Variants in RANBP2 observed in about 807,000 individuals in gnomAD.
RANBP2 encodes RAN binding protein 2.
A neutral mutation model predicts 303.6 loss-of-function variants in RANBP2; 57 were observed. The observed-to-expected ratio is 0.19, with a 90% confidence interval of 0.15 to 0.23. RANBP2 has a LOEUF of 0.23. Ranked by LOEUF, RANBP2 falls within the 10% of genes least tolerant of loss-of-function variation. The pLI is 1.00. For synonymous variants in RANBP2, 1,167 were observed against 1,301.5 expected, an observed-to-expected ratio of 0.90 and a Z score of 2.23; for missense variants, 3,138 against 3,780.8, an observed-to-expected ratio of 0.83 and a Z score of 4.46.
At chr2:109,332,922 A>G in the RANBP2 span, among the ~76,000 whole-genome samples, 1 of 152,242 alleles carries the variant, frequency 6.6e-6, no homozygotes, top group African/African-American at 2.4e-5. Flanking sequence ...AGCTGTTTTG[A>G]TGGGAGGAAA....
chr2:108,973,385 A>T, the RANBP2 span, among the ~76,000 whole-genome samples: 4 of 152,182 alleles, frequency 2.6e-5, no homozygotes, highest in African/African-American at 9.7e-5. Flanking sequence ...CGGTGCAGAG[A>T]GAGTGTCCGC....
the RANBP2 span, among the ~76,000 whole-genome samples, chr2:109,057,626 T>A: frequency 6.6e-6 from 1 of 152,204 alleles, no homozygotes; most frequent in South Asian, 2.1e-4. Flanking sequence ...GGAGTAGAGA[T>A]AACATCAAAC....
the RANBP2 span, among the ~76,000 whole-genome samples, chr2:109,495,477 C>CTTTT: frequency 2.5e-3 from 237 of 94,260 alleles, 15 homozygotes; most frequent in African/African-American, 5.1e-3. Flanking sequence ...TCTTTCATTC[C>CTTTT]TTTTTTTTTT....
At chr2:108,721,354 T>C (rs940863198) in intron 1 of RANBP2, among the ~76,000 whole-genome samples, 1 of 152,130 alleles carries the variant, frequency 6.6e-6, no homozygotes, top group African/African-American at 2.4e-5. Context: ...ACTGCTAGCA[T>C]AGTATAAATA....
the RANBP2 span, among the ~76,000 whole-genome samples, chr2:108,987,561 G>A: frequency 6.6e-6 from 1 of 152,246 alleles, no homozygotes; most frequent in Non-Finnish European, 1.5e-5. Flanking sequence ...AGTGGCCAGG[G>A]AGTGAAAATC....
At chr2:109,345,360 C>T in the RANBP2 span, among the ~76,000 whole-genome samples, 42 of 152,178 alleles carry the variant, frequency 2.8e-4, no homozygotes, top group East Asian at 1.4e-3. Flanking sequence ...TCAGATAGCA[C>T]GAGCCGGCCG....
At chr2:109,119,474 A>G in the RANBP2 span, among the ~76,000 whole-genome samples, 2 of 152,238 alleles carry the variant, frequency 1.3e-5, no homozygotes, top group African/African-American at 4.8e-5. Flanking sequence ...AAGAATTCAG[A>G]TATTAAATAT....
At chr2:109,302,643 G>A in the RANBP2 span, among the ~76,000 whole-genome samples, 48 of 152,334 alleles carry the variant, frequency 3.2e-4, no homozygotes, top group East Asian at 6.0e-3. Flanking sequence ...AGGCCGCCAG[G>A]TCTGGCTCGG....
the RANBP2 span, among the ~76,000 whole-genome samples, chr2:109,655,134 C>A: frequency 6.6e-6 from 1 of 152,140 alleles, no homozygotes; most frequent in Non-Finnish European, 1.5e-5. Context: ...AATTCCTGAC[C>A]TCTTGATCCA....
the RANBP2 span, among the ~76,000 whole-genome samples, chr2:109,656,143 A>G: frequency 1.3e-5 from 2 of 152,144 alleles, no homozygotes; most frequent in Non-Finnish European, 1.5e-5. Context: ...CATCTGCAGT[A>G]TCTTTGCTAC....
chr2:109,542,023 TA>T, the RANBP2 span, among the ~76,000 whole-genome samples: 91 of 152,328 alleles, frequency 6.0e-4, no homozygotes, highest in Non-Finnish European at 9.8e-4. Context: ...GAAAGGGCTT[TA>T]AAAGTCGGAG....
the RANBP2 span, among the ~76,000 whole-genome samples, chr2:109,054,401 CAG>C: frequency 3.9e-4 from 59 of 152,206 alleles, no homozygotes; most frequent in South Asian, 0.012. Context: ...ATAAGACACA[CAG>C]ATCTTAAGAG....
the RANBP2 span, chr2:108,876,071 A>G: frequency 6.7e-7 from 1 of 1,501,092 alleles, no homozygotes; most frequent in African/African-American, 1.4e-5. Context: ...TAAATAATGT[A>G]TTCATTTTTT....
At chr2:109,606,494 C>T in the RANBP2 span, among the ~76,000 whole-genome samples, 1 of 152,090 alleles carries the variant, frequency 6.6e-6, no homozygotes, top group African/African-American at 2.4e-5. Flanking sequence ...CATCTGGTAG[C>T]ATTCAATTAC....
At chr2:108,967,784 A>G in the RANBP2 span, among the ~76,000 whole-genome samples, 1 of 152,168 alleles carries the variant, frequency 6.6e-6, no homozygotes, top group Non-Finnish European at 1.5e-5. Context: ...TGAGAGCTTC[A>G]TATGTGGATA....
chr2:109,575,964 G>C, the RANBP2 span, among the ~76,000 whole-genome samples: 1 of 152,120 alleles, frequency 6.6e-6, no homozygotes, highest in Non-Finnish European at 1.5e-5. Flanking sequence ...TTTTCCACCA[G>C]AACTAGCATA....
At chr2:108,980,093 TGTGGG>T in the RANBP2 span, among the ~76,000 whole-genome samples, 4 of 30,046 alleles carry the variant, frequency 1.3e-4, no homozygotes, top group East Asian at 2.3e-3. Context: ...AAATGAATGG[TGTGGG>T]GTGGGGTGGG....
the RANBP2 span, among the ~76,000 whole-genome samples, chr2:109,325,336 T>A: frequency 9.7e-6 from 1 of 102,580 alleles, no homozygotes; most frequent in Admixed American, 1.1e-4. Context: ...TCTTTCTTTT[T>A]TTTTTTTTTT....
chr2:108,844,971 A>C, the RANBP2 span, among the ~76,000 whole-genome samples: 132,494 of 152,088 alleles, frequency 0.87, 58,088 homozygotes, highest in East Asian at 1. Flanking sequence ...TGGTCTTGAT[A>C]TCCTGACCTT....
Sources: allele counts gnomAD v4.1 joint callset (sites outside exome capture counted in the v4.1 genomes callset), GRCh38; gene constraint gnomAD v4.1.1; transcripts MANE v1.5; gene names NCBI Gene and HGNC (gene_info 2026-07-23, HGNC 2026-07-21).